Variants in SPARC observed in about 807,000 individuals in gnomAD.
SPARC encodes basement-membrane protein 40.
In SPARC, 23 loss-of-function variants were observed where a neutral mutation model predicts 37.7. The observed-to-expected ratio is 0.61, with a 90% CI of 0.44 to 0.87. SPARC has a LOEUF of 0.87. Among genes scored for constraint, SPARC ranks in the 40% least tolerant of loss-of-function variants. The pLI is 0.00. For missense variants in SPARC, 312 were observed against 389.0 expected (o/e 0.80, Z 1.66); for synonymous variants, 155 against 150.8 (o/e 1.03, Z -0.20).
At position 151,671,597 on chromosome 5, in the gene SPARC, T is replaced by G; in HGVS notation, c.306A>C (p.Pro102=). 1 of 1,591,242 alleles carries G rather than the reference T, an allele frequency of 6.3e-7. No homozygotes were observed. The highest frequency in any genetic ancestry group is 8.6e-7 in the Non-Finnish European group (1 of 1,168,946). Residue 102 remains proline (P), a synonymous_variant, in exon 5 of 10, where the codon CCA becomes CCC. Coordinates refer to ENST00000231061, the MANE Select transcript of SPARC (RefSeq NM_003118.4). ...CCTTCTCAAACTCGCCAATGGGGGCTGGGCAGCTGGTGGGGTCCTGGCACA... is the reference window on the plus strand; with the variant it reads ...CCTTCTCAAACTCGCCAATGGGGGCGGGGCAGCTGGTGGGGTCCTGGCACA... The part of the protein sequence containing the change: ...MCVCQDPTSC[P]APIGEFEKVC...
chr5:151,678,956 G>A (rs1760923352), intron 1 of SPARC: 1 of 152,084 alleles, frequency 6.6e-6, no homozygotes, highest in Non-Finnish European at 1.5e-5. Flanking sequence ...CCTCTCTGAG[G>A]CTCTCTAAAC....
At chr5:151,669,859 C>T in intron 5 of SPARC, 75 bp from the exon 6 acceptor site, 1 of 1,572,052 alleles carries the variant, frequency 6.4e-7, no homozygotes, top group South Asian at 1.2e-5. Flanking sequence ...TTGTCCATTT[C>T]AGAGATGGGG....
chr5:151,680,780 T>C (rs559302403), intron 1 of SPARC, among the ~76,000 whole-genome samples: 4 of 152,306 alleles, frequency 2.6e-5, no homozygotes, highest in African/African-American at 9.6e-5. Context: ...TACCAATCTT[T>C]AAAGGCTCAT....
intron 5 of SPARC, among the ~76,000 whole-genome samples, chr5:151,670,736 C>A (rs568581765): frequency 6.6e-6 from 1 of 152,168 alleles, no homozygotes; most frequent in East Asian, 1.9e-4. Context: ...ACATCCTGTC[C>A]GTACTTATTT....
chr5:151,683,368 G>T (rs1249782600), intron 1 of SPARC, among the ~76,000 whole-genome samples: 1 of 152,212 alleles, frequency 6.6e-6, no homozygotes, highest in East Asian at 1.9e-4. Context: ...GGGCTTGTGT[G>T]CATAAGTGTG....
intron 7 of SPARC, 37 bp from the exon 8 acceptor site, chr5:151,666,546 T>A (rs113187222): frequency 6.2e-7 from 1 of 1,602,592 alleles, no homozygotes; most frequent in Non-Finnish European, 8.5e-7. Context: ...AAGAGGTCCA[T>A]GGAGATTGTC....
Position 151,664,226 on chromosome 5 carries a change from G to T in SPARC, c.744C>A (p.Ser248=). ...CACGCAGTGGAGCCAGCTCGGTGTG[G>T]GAGAGGTACCTGCAGGGAAGGAGGC... is the stretch of plus-strand genomic sequence containing the variant. ...LDQHPIDGYL[S]HTELAPLRAP... Residue 248 remains serine, a synonymous_variant, in exon 9 of 10, where the codon TCC becomes TCA. Transcript: ENST00000231061. 6.2e-7 allele frequency: 1 copy of T among 1,613,886 alleles called. No homozygotes were observed. Among genetic ancestry groups the T allele is most frequent in the African/African-American group, 1.3e-5 (1 of 75,052 alleles).
At chr5:151,682,979 G>T (rs1761031133) in intron 1 of SPARC, among the ~76,000 whole-genome samples, 1 of 151,944 alleles carries the variant, frequency 6.6e-6, no homozygotes, top group South Asian at 2.1e-4. Flanking sequence ...ATGATTTCCT[G>T]TCTAAGCTGC....
chr5:151,669,409 G>C (rs1166211462), intron 6 of SPARC, among the ~76,000 whole-genome samples: 2 of 152,226 alleles, frequency 1.3e-5, no homozygotes, highest in Non-Finnish European at 2.9e-5. Flanking sequence ...ATGCTAGTGA[G>C]AGACTCCAGA....
At position 151,663,460 on chromosome 5, in the gene SPARC, T is replaced by C; in HGVS notation, c.*111A>G. On this transcript the variant is annotated 3_prime_UTR_variant, in exon 10 of 10. Transcript: ENST00000231061. ...GTTAATGTATTCACTTAAATCTATGTTAGCACCTTGTCTCCAGGCAGAACA... is the reference window on the plus strand; with the variant it reads ...GTTAATGTATTCACTTAAATCTATGCTAGCACCTTGTCTCCAGGCAGAACA... The C allele has an allele frequency of 1.9e-6, 2 of 1,047,902 alleles. No individual in the cohort carries two copies. The highest frequency in any genetic ancestry group is 3.0e-6 in the Non-Finnish European group (2 of 677,628). 64.9% of individuals were successfully genotyped at this position (1,047,902 alleles called of 1,614,324 possible). A position where few individuals can be genotyped will look rare whatever the true frequency, so the allele number is the denominator to read the frequency against.
chr5:151,672,098 T>C (rs1380345415), intron 4 of SPARC, among the ~76,000 whole-genome samples: 1 of 152,178 alleles, frequency 6.6e-6, no homozygotes, highest in East Asian at 1.9e-4. Context: ...CTGTTGACAC[T>C]GAGCCAGGGA....
At chr5:151,678,799 A>G (rs1445854537) in intron 1 of SPARC, among the ~76,000 whole-genome samples, 1 of 152,204 alleles carries the variant, frequency 6.6e-6, no homozygotes, top group Non-Finnish European at 1.5e-5. Flanking sequence ...AACTGTAAAC[A>G]CAAACACAAA....
At chr5:151,670,190 G>A (rs138066990) in intron 5 of SPARC, among the ~76,000 whole-genome samples, 2 of 152,334 alleles carry the variant, frequency 1.3e-5, no homozygotes, top group African/African-American at 4.8e-5. Context: ...GCTGGTGTCT[G>A]GGAACTTAGC....
chr5:151,667,567 T>C lies in SPARC; in HGVS notation c.485A>G (p.Glu162Gly). The C allele has an allele frequency of 6.2e-7, 1 of 1,614,116 alleles. No homozygotes were observed. The stretch of plus-strand genomic sequence containing the variant: ...CCAGTCCCGCATGCGCAGGGGGAAT[T>C]CGGTCAGCTCAGAGTCCAGGCAAGG... Reference protein sequence around the residue: ...IPPCLDSELTEFPLRMRDWLK... With the variant: ...IPPCLDSELTGFPLRMRDWLK... The change falls in exon 7 of 10, where the codon GAA (glutamate) becomes GGA (glycine). Residue 162 changes from glutamate to glycine, a missense_variant. Physicochemically the swap from Glu to Gly is moderately conservative, Grantham distance 98. Coordinates refer to ENST00000231061, the MANE Select transcript of SPARC (RefSeq NM_003118.4).
intron 1 of SPARC, among the ~76,000 whole-genome samples, chr5:151,684,438 T>A (rs1761081391): frequency 6.6e-6 from 1 of 150,952 alleles, no homozygotes; most frequent in African/African-American, 2.4e-5. Context: ...TTTTCACCCT[T>A]GGCCAATGCT....
intron 2 of SPARC, among the ~76,000 whole-genome samples, chr5:151,675,076 G>T (rs917912018): frequency 6.6e-6 from 1 of 152,182 alleles, no homozygotes; most frequent in African/African-American, 2.4e-5. Context: ...TCCTCACAGT[G>T]TGATATTATT....
At chr5:151,673,896 A>C (rs1215327335) in intron 3 of SPARC, among the ~76,000 whole-genome samples, 1 of 151,994 alleles carries the variant, frequency 6.6e-6, no homozygotes, top group Non-Finnish European at 1.5e-5. Flanking sequence ...AAATTGACTG[A>C]GATCTATGTT....
intron 1 of SPARC, among the ~76,000 whole-genome samples, chr5:151,683,419 G>C (rs1394826826): frequency 6.6e-6 from 1 of 152,232 alleles, no homozygotes; most frequent in Non-Finnish European, 1.5e-5. Flanking sequence ...GGAAGGCAAG[G>C]TGAATATCAA....
chr5:151,680,289 G>A (rs1297076445), intron 1 of SPARC, among the ~76,000 whole-genome samples: 5 of 130,338 alleles, frequency 3.8e-5, no homozygotes, highest in African/African-American at 5.9e-5. Context: ...TGTGGTTGGC[G>A]CAATCTCAGC....
Sources: allele counts gnomAD v4.1 joint callset (sites outside exome capture counted in the v4.1 genomes callset), GRCh38; gene constraint gnomAD v4.1.1; transcripts MANE v1.5; gene names NCBI Gene and HGNC (gene_info 2026-07-23, HGNC 2026-07-21).